MEF2C: variants seen among roughly 807,000 people sequenced by gnomAD.
The protein encoded by MEF2C is myocyte-specific enhancer factor 2C.
Under a neutral mutation model 50.5 loss-of-function variants are expected in MEF2C, and 6 were observed. That is an observed-to-expected ratio of 0.12 (90% CI 0.07 to 0.23). The LOEUF (loss-of-function observed/expected upper bound fraction) is 0.23, where lower values mean the gene tolerates loss of function less well. Among genes scored for constraint, MEF2C ranks in the 10% least tolerant of loss-of-function variants. The probability of loss-of-function intolerance (pLI) is 1.00; values close to 1 mark genes in which losing one functional copy is unlikely to be tolerated. For missense variants in MEF2C, 276 were observed against 605.0 expected (o/e 0.46, Z 5.70); for synonymous variants, 183 against 228.0 (o/e 0.80, Z 1.78).
At position 88,853,776 on chromosome 5, in the gene MEF2C, C is replaced by T. The variant is rs536352367; in HGVS notation, c.-143+29179G>A. Among the ~76,000 whole-genome samples, 18 of 152,280 alleles carry T rather than the reference C, an allele frequency of 1.2e-4. No individual in the cohort carries two copies. In the South Asian group the frequency reaches 2.1e-3, roughly 18 times the overall value. On this transcript the variant is annotated intron_variant, in intron 1 of 10. Coordinates refer to ENST00000504921, the MANE Select transcript of MEF2C (RefSeq NM_002397.5). ...ATCTTCAGATATTTACAGGAATAAG[C>T]GATCCACATGGTCAGATGCTCATCA...
chr5:88,800,646 G>A (rs558306206), intron 3 of MEF2C, among the ~76,000 whole-genome samples: 1 of 152,264 alleles, frequency 6.6e-6, no homozygotes, highest in Admixed American at 6.5e-5. Context: ...AACGAGGAGT[G>A]GAGCTAGTGA....
intron 4 of MEF2C, among the ~76,000 whole-genome samples, chr5:88,757,911 G>A (rs112861462): frequency 4.6e-5 from 7 of 151,974 alleles, no homozygotes; most frequent in Non-Finnish European, 7.4e-5. Context: ...GTGAGACCCC[G>A]TCTCAAAAAA....
chr5:88,864,121 T>C (rs1286848925), intron 1 of MEF2C, among the ~76,000 whole-genome samples: 2 of 148,330 alleles, frequency 1.3e-5, no homozygotes. Flanking sequence ...TGAGCCACCA[T>C]GCCCAGCCAT....
intron 2 of MEF2C, among the ~76,000 whole-genome samples, chr5:88,821,837 C>A (rs1021166346): frequency 1.3e-5 from 2 of 151,480 alleles, no homozygotes; most frequent in Non-Finnish European, 2.9e-5. Flanking sequence ...TGAATAAGAT[C>A]TAGAATTTGG....
At chr5:88,769,892 C>T (rs1781627139) in intron 3 of MEF2C, 1 of 885,758 alleles carries the variant, frequency 1.1e-6, no homozygotes, top group South Asian at 5.2e-5. Flanking sequence ...GTAATCCACC[C>T]ACCTAAGCCT....
chr5:88,757,812 A>C (rs951875272), intron 4 of MEF2C, among the ~76,000 whole-genome samples: 1 of 152,170 alleles, frequency 6.6e-6, no homozygotes. Flanking sequence ...GCTACTTGGG[A>C]GGCTAAGGCA....
intron 3 of MEF2C, among the ~76,000 whole-genome samples, chr5:88,779,994 A>C (rs1256178890): frequency 1.3e-5 from 2 of 152,128 alleles, no homozygotes; most frequent in East Asian, 3.9e-4. Context: ...AAAATACAAA[A>C]AAATTAGCTG....
intron 3 of MEF2C, among the ~76,000 whole-genome samples, chr5:88,782,825 G>A (rs1352699318): frequency 6.6e-6 from 1 of 152,106 alleles, no homozygotes; most frequent in Non-Finnish European, 1.5e-5. Context: ...TCGAGACCAC[G>A]GAGTGTCTTT....
intron 4 of MEF2C, among the ~76,000 whole-genome samples, chr5:88,759,563 C>T (rs1457408586): frequency 6.6e-6 from 1 of 151,994 alleles, no homozygotes; most frequent in East Asian, 1.9e-4. Flanking sequence ...AATAAAATAC[C>T]AATGGATATT....
chr5:88,895,178 T>C (rs1834991066), intron 1 of MEF2C, among the ~76,000 whole-genome samples: 1 of 152,226 alleles, frequency 6.6e-6, no homozygotes, highest in Non-Finnish European at 1.5e-5. Context: ...AGATGTTTTC[T>C]TTTCTGTCAG....
At chr5:88,788,238 G>C (rs1433268972) in intron 3 of MEF2C, among the ~76,000 whole-genome samples, 2 of 151,830 alleles carry the variant, frequency 1.3e-5, no homozygotes, top group African/African-American at 4.8e-5. Flanking sequence ...TGTCACCCAG[G>C]CTGGAGTGCT....
chr5:88,773,381 C>A (rs1006781209), intron 3 of MEF2C, among the ~76,000 whole-genome samples: 1 of 152,172 alleles, frequency 6.6e-6, no homozygotes, highest in Non-Finnish European at 1.5e-5. Flanking sequence ...CCCACCATCC[C>A]CCATCCTCGT....
At chr5:88,773,394 ATAAACT>A (rs759259696) in intron 3 of MEF2C, among the ~76,000 whole-genome samples, 36 of 152,376 alleles carry the variant, frequency 2.4e-4, no homozygotes, top group Non-Finnish European at 4.0e-4. Flanking sequence ...ATCCTCGTAC[ATAAACT>A]TAAATTATAA....
chr5:88,783,043 G>A (rs143543479), intron 3 of MEF2C, among the ~76,000 whole-genome samples: 1 of 152,006 alleles, frequency 6.6e-6, no homozygotes, highest in Non-Finnish European at 1.5e-5. Flanking sequence ...GTTTGCCCAC[G>A]TTTTTCATCA....
At chr5:88,902,670 A>G (rs562617630) in intron 1 of MEF2C, among the ~76,000 whole-genome samples, 20 of 152,022 alleles carry the variant, frequency 1.3e-4, no homozygotes, top group Non-Finnish European at 2.8e-4. Context: ...CTATACAATC[A>G]TGTGTTAAGG....
intron 4 of MEF2C, chr5:88,752,764 A>G: frequency 1.0e-6 from 1 of 985,378 alleles, no homozygotes; most frequent in Non-Finnish European, 1.2e-6. Flanking sequence ...ATGTCTAATT[A>G]GATTAATCCA....
At chr5:88,791,089 CT>C (rs1793532064) in intron 3 of MEF2C, among the ~76,000 whole-genome samples, 1 of 152,118 alleles carries the variant, frequency 6.6e-6, no homozygotes, top group African/African-American at 2.4e-5. Context: ...CACTTTGATT[CT>C]TATTCGGCAC....
At chr5:88,741,481 C>A (rs142469257) in intron 6 of MEF2C, 1 of 985,210 alleles carries the variant, frequency 1.0e-6, no homozygotes, top group African/African-American at 1.7e-5. Flanking sequence ...CCTCTGGAAT[C>A]TTTTCCCAAA....
intron 3 of MEF2C, among the ~76,000 whole-genome samples, chr5:88,768,845 TAC>T (rs1554121115): frequency 2.0e-5 from 3 of 152,354 alleles, no homozygotes; most frequent in Non-Finnish European, 1.5e-5. Flanking sequence ...TTTTGAAATG[TAC>T]AGTTTTTAAG....
Sources: gnomAD v4.1 joint callset for allele counts (sites outside exome capture counted in the v4.1 genomes callset) on GRCh38, gnomAD v4.1.1 for gene constraint, MANE v1.5 for transcripts, NCBI Gene and HGNC (gene_info 2026-07-23, HGNC 2026-07-21) for gene names.